The following CHEK1 variants were observed in gnomAD, a reference collection of about 807,000 sequenced individuals.
CHEK1 encodes the protein serine/threonine-protein kinase Chk1.
A neutral mutation model predicts 60.2 loss-of-function variants in CHEK1; 32 were observed. The ratio of observed to expected loss-of-function variants is 0.53; its 90% confidence interval spans 0.40 to 0.71. CHEK1 has a LOEUF of 0.71. CHEK1 is among the 30% of genes least tolerant of loss of function. The pLI is 0.00. For synonymous variants in CHEK1, 179 were observed against 187.2 expected (o/e 0.96, Z 0.36); for missense variants, 399 against 564.6 (o/e 0.71, Z 2.97).
intron 11 of CHEK1, among the ~76,000 whole-genome samples, chr11:125,652,536 G>A (rs564413354): frequency 6.6e-6 from 1 of 152,096 alleles, no homozygotes; most frequent in South Asian, 2.1e-4. Flanking sequence ...AAGTTTTGTT[G>A]CTATGAGTTC....
intron 6 of CHEK1, 32 bp downstream of exon 6, chr11:125,633,383 A>T (rs779590992): frequency 2.0e-6 from 3 of 1,468,560 alleles, no homozygotes; most frequent in Non-Finnish European, 2.7e-6. Context: ...TAAAACTCCT[A>T]TAAAAAGTCA....
At chr11:125,637,816 T>C (rs1190009267) in intron 8 of CHEK1, among the ~76,000 whole-genome samples, 1 of 152,208 alleles carries the variant, frequency 6.6e-6, no homozygotes, top group African/African-American at 2.4e-5. Flanking sequence ...GATTTGAAGA[T>C]TAAAGGGAAG....
intron 13 of CHEK1, among the ~76,000 whole-genome samples, chr11:125,673,866 A>G (rs1217768177): frequency 6.6e-6 from 1 of 152,012 alleles, no homozygotes; most frequent in Non-Finnish European, 1.5e-5. Context: ...GTTTCCATTT[A>G]TCAAACATTT....
chr11:125,627,953 A>T (rs903825498), intron 3 of CHEK1, 123 bp downstream of exon 3: 1 of 712,782 alleles, frequency 1.4e-6, no homozygotes, highest in African/African-American at 1.8e-5. Context: ...ATTGGAATAC[A>T]TTATCTTTAA....
At chr11:125,638,805 C>G (rs1171008472) in intron 8 of CHEK1, among the ~76,000 whole-genome samples, 3 of 152,110 alleles carry the variant, frequency 2.0e-5, no homozygotes, top group Non-Finnish European at 4.4e-5. Context: ...TTATTTTCGT[C>G]ATGATTCTTG....
In CHEK1 at chr11:125,626,934, G is replaced by A. The variant is rs1015880909; in HGVS notation, c.65+101G>A. 2.3e-6 allele frequency: 3 copies of A among 1,318,156 alleles called. No homozygotes were observed. The African/African-American group carries it at 4.4e-5, about 19-fold the overall frequency. 81.7% of individuals were successfully genotyped at this position (1,318,156 alleles called of 1,614,324 possible). ...GAAAGTAGATGTTTGAGATCCAAGG[G>A]TTTTGGCAACTGAAGTTACACAGCC... On this transcript the variant is annotated intron_variant, in intron 2 of 12. Coordinates refer to ENST00000438015, the MANE Select transcript of CHEK1 (RefSeq NM_001114122.3).
intron 5 of CHEK1, among the ~76,000 whole-genome samples, 184 bp downstream of exon 5, chr11:125,629,644 A>G (rs1940783453): frequency 6.6e-6 from 1 of 152,214 alleles, no homozygotes; most frequent in African/African-American, 2.4e-5. Flanking sequence ...TGGAAATCAC[A>G]AGTCTCATTT....
chr11:125,626,405 T>C (rs1394759161), intron 1 of CHEK1: 6 of 427,786 alleles, frequency 1.4e-5, no homozygotes, highest in Non-Finnish European at 2.5e-5. Flanking sequence ...ATCCTCTTCC[T>C]CTCTTCCCCA....
rs1940571988 is a variant in CHEK1, at chr11:125,625,888, C to T, written c.-145C>T. On this transcript the variant is annotated 5_prime_UTR_variant, in exon 1 of 13. The change creates a new upstream start codon in the 5' untranslated region. Transcript: ENST00000438015. ...CGCCGACATTCAGAGGGGCAGGACA[C>T]GGGAACGCGCGCTGTCTTGCTTTAC... 1.4e-6 allele frequency: 1 copy of T among 702,544 alleles called. No homozygotes were observed. Among genetic ancestry groups the T allele is most frequent in the South Asian group, 1.5e-5 (1 of 67,614 alleles). The allele number at this position is 702,544 out of a possible 1,614,324, so 43.5% of individuals were successfully genotyped here.
chr11:125,626,505 G>A lies in CHEK1; in HGVS notation c.-20-244G>A, dbSNP rs544606369. On this transcript the variant is annotated intron_variant, in intron 1 of 12. Transcript: ENST00000438015. The stretch of plus-strand genomic sequence containing the variant: ...CATAACAACAATTAATTTCCTCTGG[G>A]GCCTGAGGAGGGCAGAATTTCAACC... 11 of 543,020 alleles carry A rather than the reference G, an allele frequency of 2.0e-5. No individual in the cohort carries two copies. In the South Asian group the frequency reaches 2.7e-4, roughly 13 times the overall value. The allele number at this position is 543,020 out of a possible 1,614,324, so 33.6% of individuals were successfully genotyped here.
At chr11:125,627,972 T>G (rs1274199333) in intron 3 of CHEK1, 142 bp downstream of exon 3, 5 of 619,214 alleles carry the variant, frequency 8.1e-6, no homozygotes, top group Non-Finnish European at 1.3e-5. Context: ...AAAAAATTTT[T>G]CCACCTGGTG....
chr11:125,655,698 A>T lies in CHEK1; in HGVS notation c.*378A>T. 1 of 199,530 alleles carries T rather than the reference A, an allele frequency of 5.0e-6. No individual in the cohort carries two copies. Among genetic ancestry groups the T allele is most frequent in the Non-Finnish European group, 9.9e-6 (1 of 101,246 alleles). The allele number at this position is 199,530 out of a possible 1,614,324, so 12.4% of individuals were successfully genotyped here. ...GTTTAATTCAAAAAGTACATATTCC[A>T]TGTTGATTTAATTCTAAGATGAACC... On this transcript the variant is annotated 3_prime_UTR_variant, in exon 13 of 13. Transcript: ENST00000438015.
In CHEK1 at chr11:125,645,568, G is replaced by A. The variant is rs113549029; in HGVS notation, c.1233+925G>A. Among the ~76,000 whole-genome samples the A allele has an allele frequency of 9.9e-4, 150 of 152,238 alleles. 1 individual carries two copies. Among genetic ancestry groups the A allele is most frequent in the African/African-American group, 3.5e-3 (146 of 41,552 alleles). On this transcript the variant is annotated intron_variant, in intron 11 of 12. Transcript: ENST00000438015. ...TAACGGACATTATTGGAACAATTGG[G>A]GAAATTTGAATATGGACTGTATATT...
chr11:125,647,341 CT>C (rs944516580), intron 11 of CHEK1, among the ~76,000 whole-genome samples: 20 of 146,234 alleles, frequency 1.4e-4, no homozygotes, highest in East Asian at 8.0e-4. Context: ...TTTTTTTTTC[CT>C]TTTTTTTTTC....
intron 8 of CHEK1, among the ~76,000 whole-genome samples, chr11:125,641,031 C>G (rs1036694707): frequency 6.6e-6 from 1 of 152,136 alleles, no homozygotes; most frequent in Non-Finnish European, 1.5e-5. Flanking sequence ...CCAGTGTATT[C>G]ACGTTCCATG....
chr11:125,676,953 A>G (rs1442673976), downstream of CHEK1, among the ~76,000 whole-genome samples: 1 of 152,158 alleles, frequency 6.6e-6, no homozygotes, highest in African/African-American at 2.4e-5. Flanking sequence ...CCATTTTCAA[A>G]TTGACCTTAT....
Position 125,629,477 on chromosome 11 carries a change from A to G in CHEK1, c.424+17A>G. The G allele has an allele frequency of 1.3e-6, 2 of 1,533,016 alleles. No individual in the cohort carries two copies. Among genetic ancestry groups the G allele is most frequent in the Non-Finnish European group, 1.8e-6 (2 of 1,111,350 alleles). The allele number at this position is 1,533,016 out of a possible 1,614,324, so 95.0% of individuals were successfully genotyped here. A position where few individuals can be genotyped will look rare whatever the true frequency, so the allele number is the denominator to read the frequency against. ...ATGAAAGGGGTAAGTTTAGCATTTT[A>G]TCACTACCTAAAATAAAATAAAATA... On this transcript the variant is annotated intron_variant, in intron 5 of 12. Coordinates refer to ENST00000438015, the MANE Select transcript of CHEK1 (RefSeq NM_001114122.3).
Position 125,674,053 on chromosome 11 carries a change from A to C in CHEK1, c.*28-1875A>C, listed in dbSNP as rs138996468. ...GTGATCCCAGCTACTCAGGAGGGTGAGGCAGGAGAATCGCTGGGGGGCAGA... is the reference window on the plus strand; with the variant it reads ...GTGATCCCAGCTACTCAGGAGGGTGCGGCAGGAGAATCGCTGGGGGGCAGA... On this transcript the variant is annotated intron_variant, in intron 13 of 13. Transcript: ENST00000428830. 8.7e-4 allele frequency among the ~76,000 whole-genome samples: 133 copies of C among 152,198 alleles called. 1 individual carries two copies. In the East Asian group the frequency reaches 0.019, roughly 22 times the overall value.
At chr11:125,657,551 A>G (rs1336862230), downstream of CHEK1, among the ~76,000 whole-genome samples, 1 of 152,188 alleles carries the variant, frequency 6.6e-6, no homozygotes, top group Non-Finnish European at 1.5e-5. Context: ...ATTTATGCAA[A>G]TAATATCATT....
Sources: allele counts gnomAD v4.1 joint callset (sites outside exome capture counted in the v4.1 genomes callset), GRCh38; gene constraint gnomAD v4.1.1; transcripts MANE v1.5; gene names NCBI Gene and HGNC (gene_info 2026-07-23, HGNC 2026-07-21).